Variants in NHEJ1 observed in about 807,000 individuals in gnomAD.
NHEJ1 encodes non-homologous end-joining factor 1.
NHEJ1 carries 22 observed loss-of-function variants against 39.4 expected under a neutral mutation model. That is an observed-to-expected ratio of 0.56 (90% CI 0.40 to 0.80). The LOEUF is 0.80. Among genes scored for constraint, NHEJ1 ranks in the 30% least tolerant of loss-of-function variants. NHEJ1 has a pLI of 0.00. For synonymous variants in NHEJ1, 154 were observed against 135.6 expected, an observed-to-expected ratio of 1.14 and a Z score of -0.94; for missense variants, 329 against 357.1, an observed-to-expected ratio of 0.92 and a Z score of 0.63.
At chr2:219,077,571 T>C (rs1485940766) in intron 6 of NHEJ1, among the ~76,000 whole-genome samples, 2 of 152,158 alleles carry the variant, frequency 1.3e-5, no homozygotes, top group African/African-American at 2.4e-5. Flanking sequence ...TTTCAGCAGG[T>C]AGGATGAGAG....
chr2:219,091,926 G>A (rs532897233), intron 5 of NHEJ1, among the ~76,000 whole-genome samples: 1 of 152,286 alleles, frequency 6.6e-6, no homozygotes, highest in African/African-American at 2.4e-5. Flanking sequence ...AAAGTTTCAA[G>A]CCACATAAGC....
intron 5 of NHEJ1, among the ~76,000 whole-genome samples, chr2:219,100,445 T>A (rs1186971557): frequency 2.6e-4 from 23 of 89,540 alleles, no homozygotes; most frequent in African/African-American, 6.6e-4. Context: ...TCTACTAAAA[T>A]GCAAAAAAAA....
At chr2:219,107,123 A>G (rs1337928635) in intron 5 of NHEJ1, among the ~76,000 whole-genome samples, 1 of 152,184 alleles carries the variant, frequency 6.6e-6, no homozygotes, top group African/African-American at 2.4e-5. Context: ...GTATGTGAAA[A>G]CAGCAAGAAA....
intron 5 of NHEJ1, among the ~76,000 whole-genome samples, chr2:219,121,854 T>C (rs777745824): frequency 3.9e-5 from 6 of 152,130 alleles, no homozygotes; most frequent in Non-Finnish European, 7.4e-5. Context: ...GAAAATTGTT[T>C]AAAAACCTGA....
rs72363387 is a variant in NHEJ1 at position 219,159,576 on chromosome 2, C to CATATATATATATGCATATATATGCAT, written c.-1+1143_-1+1144insATGCATATATATGCATATATATATAT. Among the ~76,000 whole-genome samples the CATATATATATATGCATATATATGCAT allele has an allele frequency of 6.6e-3, 452 of 68,932 alleles. 45 individuals carry two copies. Among genetic ancestry groups the CATATATATATATGCATATATATGCAT allele is most frequent in the Middle Eastern group, 0.011 (2 of 176 alleles). 45.2% of individuals were successfully genotyped at this position (68,932 alleles called of 152,430 possible). On this transcript the variant is annotated intron_variant, in intron 1 of 7. Transcript: ENST00000356853. ...GCATATATATATGCATATATATATG[C>CATATATATATATGCATATATATGCAT]ATATATATATGCATATATATATATG...
intron 5 of NHEJ1, among the ~76,000 whole-genome samples, chr2:219,130,280 G>A (rs1390009895): frequency 6.6e-6 from 1 of 152,046 alleles, no homozygotes; most frequent in Non-Finnish European, 1.5e-5. Context: ...CCAATACAAG[G>A]CTAGTACAAT....
chr2:219,130,576 C>T (rs1043657576), intron 5 of NHEJ1, among the ~76,000 whole-genome samples: 3 of 152,142 alleles, frequency 2.0e-5, no homozygotes, highest in Non-Finnish European at 4.4e-5. Context: ...GAGTTACGAG[C>T]GCTTGGAGAG....
intron 7 of NHEJ1, 40 bp downstream of exon 7, chr2:219,077,206 A>C: frequency 6.8e-7 from 1 of 1,478,492 alleles, no homozygotes; most frequent in Non-Finnish European, 9.5e-7. Context: ...TATAGGTGCC[A>C]ACTCTCAGAA....
intron 1 of NHEJ1, among the ~76,000 whole-genome samples, chr2:219,160,082 T>C (rs1468346190): frequency 6.6e-6 from 1 of 152,156 alleles, no homozygotes; most frequent in African/African-American, 2.4e-5. Context: ...CTTTTTTCCT[T>C]CAAGGCTGCC....
At chr2:219,102,849 C>A (rs903044933) in intron 5 of NHEJ1, 1 of 149,924 alleles carries the variant, frequency 6.7e-6, no homozygotes. Context: ...ACTAAAAATA[C>A]AAAAAATTAG....
chr2:219,128,481 G>C (rs553117334), intron 5 of NHEJ1, among the ~76,000 whole-genome samples: 2 of 152,270 alleles, frequency 1.3e-5, no homozygotes, highest in African/African-American at 4.8e-5. Context: ...GGGTACAATA[G>C]ATAGTGAATC....
chr2:219,151,474 C>A (rs556832847), intron 3 of NHEJ1, among the ~76,000 whole-genome samples: 1 of 152,276 alleles, frequency 6.6e-6, no homozygotes, highest in African/African-American at 2.4e-5. Flanking sequence ...ATCTATCAGA[C>A]CCCAATGTCT....
intron 5 of NHEJ1, among the ~76,000 whole-genome samples, chr2:219,104,673 G>A (rs1367938139): frequency 6.6e-6 from 1 of 152,018 alleles, no homozygotes; most frequent in Non-Finnish European, 1.5e-5. Context: ...ATCAATGCTG[G>A]AAACTTCGCA....
intron 5 of NHEJ1, among the ~76,000 whole-genome samples, chr2:219,123,321 T>C (rs1379808222): frequency 6.6e-6 from 1 of 152,132 alleles, no homozygotes; most frequent in Non-Finnish European, 1.5e-5. Flanking sequence ...ATGAGACTAG[T>C]GGACACAGAA....
In NHEJ1 at chr2:219,157,540, C is replaced by T. The variant is rs970637899; in HGVS notation, c.322G>A (p.Val108Met). ...DCVADALILRVRSELSGLPFY... is the reference protein window; with the variant it reads ...DCVADALILRMRSELSGLPFY... Reference sequence around the variant, plus strand: ...GGGAGGCCAGAGAGCTCACTTCGCACCCGTAGAATCAGTGCATCTGCCACA... The same window carrying T: ...GGGAGGCCAGAGAGCTCACTTCGCATCCGTAGAATCAGTGCATCTGCCACA... Residue 108 changes from valine to methionine, a missense_variant, in exon 3 of 8, where the codon GTG becomes ATG. Physicochemically the swap from Val to Met is conservative, Grantham distance 21. Transcript: ENST00000356853. 28 of 1,614,054 alleles carry T rather than the reference C, an allele frequency of 1.7e-5. No individual in the cohort carries two copies. The highest frequency in any genetic ancestry group is 2.4e-5 in the Non-Finnish European group (28 of 1,180,038).
intron 1 of NHEJ1, among the ~76,000 whole-genome samples, chr2:219,159,579 A>ATATATGCATATATATGCG (rs1949905482): frequency 4.1e-5 from 1 of 24,476 alleles, no homozygotes; most frequent in Non-Finnish European, 1.2e-4. Flanking sequence ...ATATATGCAT[A>ATATATGCATATATATGCG]TATATATGCA....
intron 5 of NHEJ1, among the ~76,000 whole-genome samples, chr2:219,121,267 G>T (rs1949468941): frequency 6.6e-6 from 1 of 150,980 alleles, no homozygotes; most frequent in South Asian, 2.1e-4. Flanking sequence ...ACATAATCTA[G>T]TCAGGTAAAA....
chr2:219,069,999 C>A lies in NHEJ1; in HGVS notation c.*6382G>T, dbSNP rs1305935035. Among the ~76,000 whole-genome samples the A allele has an allele frequency of 6.6e-6, 1 of 152,196 alleles. No homozygotes were observed. The highest frequency in any genetic ancestry group is 1.5e-5 in the Non-Finnish European group (1 of 68,038). On this transcript the variant is annotated 3_prime_UTR_variant, in exon 8 of 8. Coordinates refer to ENST00000356853, the MANE Select transcript of NHEJ1 (RefSeq NM_024782.3). ...TCCACATTCAACAAGAAACAGGAAT[C>A]ATTAAACATGCATTAACTCAAATTA...
chr2:219,152,665 C>G (rs1265210061), intron 3 of NHEJ1, among the ~76,000 whole-genome samples: 1 of 151,920 alleles, frequency 6.6e-6, no homozygotes, highest in Non-Finnish European at 1.5e-5. Context: ...ATGGGTTTCA[C>G]TGTGTTGCCC....
Sources: allele counts gnomAD v4.1 joint callset (sites outside exome capture counted in the v4.1 genomes callset), GRCh38; gene constraint gnomAD v4.1.1; transcripts MANE v1.5; gene names NCBI Gene and HGNC (gene_info 2026-07-23, HGNC 2026-07-21).